The following POLR1A variants were observed in gnomAD, a reference collection of about 807,000 sequenced individuals.
POLR1A encodes RNA polymerase I subunit A.
Under a neutral mutation model 205.3 loss-of-function variants are expected in POLR1A, and 84 were observed. The observed-to-expected ratio is 0.41, with a 90% CI of 0.34 to 0.49. The LOEUF (loss-of-function observed/expected upper bound fraction) is 0.49. POLR1A is among the 20% of genes least tolerant of loss of function. The probability of loss-of-function intolerance (pLI) is 0.22; values close to 1 mark genes in which losing one functional copy is unlikely to be tolerated. For missense variants in POLR1A, 1,645 were observed against 2,204.5 expected, an observed-to-expected ratio of 0.75 and a Z score of 5.08; for synonymous variants, 799 against 863.7, an observed-to-expected ratio of 0.93 and a Z score of 1.31.
chr2:86,032,239 C>G, intron 29 of POLR1A, 33 bp downstream of exon 29: 1 of 1,400,290 alleles, frequency 7.1e-7, no homozygotes, highest in Non-Finnish European at 1.0e-6. Flanking sequence ...GGGCTGGGAC[C>G]ACAGCTCCTT....
chr2:86,102,638 T>C lies in POLR1A; in HGVS notation c.78-2466A>G, dbSNP rs1235291647. Among the ~76,000 whole-genome samples, 6 of 152,338 alleles carry C rather than the reference T, an allele frequency of 3.9e-5. No homozygotes were observed. In the East Asian group the frequency reaches 1.2e-3, roughly 29 times the overall value. On this transcript the variant is annotated intron_variant, in intron 1 of 33. Coordinates refer to ENST00000263857, the MANE Select transcript of POLR1A (RefSeq NM_015425.6). ...TTTTTTCTCACCTGAAGTCTGGGCA[T>C]CACAGCAGCTCTATTGGGATGATTA...
rs570297577 is a variant in POLR1A, at chr2:86,094,603, A to C, written c.432+4008T>G. Among the ~76,000 whole-genome samples the C allele has an allele frequency of 2.6e-5, 4 of 152,360 alleles. No homozygotes were observed. The South Asian group carries it at 6.2e-4, about 24-fold the overall frequency. ...ATCACTCCTCTGAGCCCTTTCAGGG[A>C]CAGGGCCAGGGGAAAATACATGTGT... On this transcript the variant is annotated intron_variant, in intron 3 of 33. Transcript: ENST00000263857.
intron 16 of POLR1A, among the ~76,000 whole-genome samples, chr2:86,050,901 T>C (rs1331830732): frequency 1.3e-5 from 2 of 152,318 alleles, no homozygotes; most frequent in East Asian, 3.9e-4. Flanking sequence ...AGCCCAGAAG[T>C]GGCTCAGGTC....
At chr2:86,100,681 G>A (rs1186620651) in intron 1 of POLR1A, among the ~76,000 whole-genome samples, 2 of 151,892 alleles carry the variant, frequency 1.3e-5, no homozygotes, top group Non-Finnish European at 2.9e-5. Flanking sequence ...CCACAGATGT[G>A]TGTCAATATG....
At chr2:86,055,827 G>A (rs1364545133) in intron 14 of POLR1A, among the ~76,000 whole-genome samples, 1 of 152,206 alleles carries the variant, frequency 6.6e-6, no homozygotes, top group East Asian at 1.9e-4. Context: ...CTACTAACAT[G>A]CTCAATGATA....
At chr2:86,057,825 A>G (rs78039515) in intron 14 of POLR1A, among the ~76,000 whole-genome samples, 6,307 of 152,284 alleles carry the variant, frequency 0.041, 459 homozygotes, top group African/African-American at 0.14. Flanking sequence ...TGTACCTATT[A>G]GGTACATGTC....
chr2:86,042,347 A>G (rs1573806911), intron 23 of POLR1A, among the ~76,000 whole-genome samples: 1 of 152,178 alleles, frequency 6.6e-6, no homozygotes, highest in East Asian at 1.9e-4. Flanking sequence ...CATGTAATTT[A>G]CTGAGCAAAC....
Position 86,078,224 on chromosome 2 carries a change from G to A in POLR1A, c.1147C>T (p.Leu383Phe). Residue 383 changes from leucine to phenylalanine, a missense_variant, in exon 10 of 34, where the codon CTC (leucine) becomes TTC (phenylalanine). Leu to Phe is a conservative substitution (Grantham distance 22, BLOSUM62 0). This residue lies in a region of POLR1A where 78 missense variants were observed against 77.7 expected (regional missense o/e 1.00). Transcript: ENST00000263857. The stretch of plus-strand genomic sequence containing the variant: ...CAAATGTTGTAAAGTTTGTCTATGA[G>A]GGACTGGCCTGGAAGTGTACTCAAA... ...SFLSTLPGQS[L>F]IDKLYNIWIR... 3.1e-6 allele frequency: 5 copies of A among 1,612,354 alleles called. No individual in the cohort carries two copies. The highest frequency in any genetic ancestry group is 4.2e-6 in the Non-Finnish European group (5 of 1,179,638).
chr2:86,032,180 G>A, intron 29 of POLR1A, 92 bp downstream of exon 29: 1 of 860,720 alleles, frequency 1.2e-6, no homozygotes, highest in Non-Finnish European at 2.0e-6. Context: ...ATGACACAGA[G>A]GTGTGGCCTG....
intron 14 of POLR1A, among the ~76,000 whole-genome samples, chr2:86,058,088 TCTCTA>T (rs142733694): frequency 5.3e-5 from 8 of 152,120 alleles, no homozygotes; most frequent in East Asian, 1.9e-4. Context: ...TACTCTACTC[TCTCTA>T]CTCTACTCTA....
rs1173243813 is a variant in POLR1A at position 86,039,447 on chromosome 2, G to A, written c.3756C>T (p.Leu1252=). ...TCTTGATGTTGGCGCTGGCCACCAT[G>A]AGAATCTCCCGCAACCTGTCACAGA... ...TLGIPRLREI[L]MVASANIKTP... is the part of the protein sequence containing the mutation. The change falls in exon 26 of 34, where the codon CTC becomes CTT. Residue 1252 remains leucine (L), a synonymous_variant. Transcript: ENST00000263857. 2 of 1,614,064 alleles carry A rather than the reference G, an allele frequency of 1.2e-6. No homozygotes were observed. Among genetic ancestry groups the A allele is most frequent in the South Asian group, 1.1e-5 (1 of 91,090 alleles).
intron 30 of POLR1A, 100 bp downstream of exon 30, chr2:86,031,230 C>T (rs567003940): frequency 1.4e-6 from 2 of 1,449,374 alleles, no homozygotes; most frequent in African/African-American, 2.8e-5. Flanking sequence ...TTGGCTGCCC[C>T]CTGCCCAGCT....
At chr2:86,052,720 C>A in intron 16 of POLR1A, 97 bp downstream of exon 16, 1 of 1,012,310 alleles carries the variant, frequency 9.9e-7, no homozygotes, top group East Asian at 2.8e-5. Flanking sequence ...CCTTGGAAAT[C>A]TTCAGTGTGG....
rs1166105139 is a variant in POLR1A, at chr2:86,042,848, T to G, written c.3357+126A>C. ...TTCCCATTTGAGAGCCATTCTGTTC[T>G]GACTGACGGTGAACAAAGCTGGAGT... On this transcript the variant is annotated intron_variant, in intron 23 of 33. Coordinates refer to ENST00000263857, the MANE Select transcript of POLR1A (RefSeq NM_015425.6). 5.5e-6 allele frequency: 4 copies of G among 729,438 alleles called. No individual in the cohort carries two copies. The Admixed American group carries it at 6.3e-5, about 12-fold the overall frequency. The allele number at this position is 729,438 out of a possible 1,614,324, so 45.2% of individuals were successfully genotyped here. A position where few individuals can be genotyped will look rare whatever the true frequency, so the allele number is the denominator to read the frequency against.
chr2:86,049,048 A>G lies in POLR1A; in HGVS notation c.2476-6T>C, dbSNP rs561746902. 3 of 1,614,226 alleles carry G rather than the reference A, an allele frequency of 1.9e-6. No homozygotes were observed. The South Asian group carries it at 3.3e-5, about 18-fold the overall frequency. ...TTTAATGCAGCCCTGACAGCCTAGA[A>G]TGAGAACAGAAACACAGCGGAGGCT... On this transcript the variant is annotated splice_region_variant and splice_polypyrimidine_tract_variant and intron_variant, in intron 17 of 33. Transcript: ENST00000263857.
intron 13 of POLR1A, 32 bp from the exon 14 acceptor site, chr2:86,065,497 T>C (rs373072803): frequency 1.9e-6 from 3 of 1,585,550 alleles, no homozygotes; most frequent in Non-Finnish European, 2.6e-6. Context: ...ACAAGAAGAA[T>C]GAAAATAAAT....
chr2:86,077,913 G>A lies in POLR1A; in HGVS notation c.1326C>T (p.Arg442=). 1 of 1,614,032 alleles carries A rather than the reference G, an allele frequency of 6.2e-7. No homozygotes were observed. Among genetic ancestry groups the A allele is most frequent in the Non-Finnish European group, 8.5e-7 (1 of 1,180,038 alleles). The change falls in exon 11 of 34, where the codon CGC becomes CGT. Residue 442 remains arginine (R), a synonymous_variant. Coordinates refer to ENST00000263857, the MANE Select transcript of POLR1A (RefSeq NM_015425.6). The stretch of plus-strand genomic sequence containing the variant: ...TGTACATGTCTGGGCAGATGACTGA[G>A]CGCGCAGCGTAGTCCACTCGCTTTC... The part of the protein sequence containing the change: ...MMGKRVDYAA[R]SVICPDMYIN...
At chr2:86,079,349 A>G (rs1673353621) in intron 9 of POLR1A, among the ~76,000 whole-genome samples, 1 of 152,176 alleles carries the variant, frequency 6.6e-6, no homozygotes, top group Admixed American at 6.5e-5. Context: ...AGTGATTGTG[A>G]AATGAGTGAG....
intron 3 of POLR1A, among the ~76,000 whole-genome samples, chr2:86,095,828 C>T (rs868295198): frequency 6.6e-5 from 10 of 151,338 alleles, no homozygotes; most frequent in African/African-American, 9.7e-5. Context: ...CCTGGGTTCA[C>T]GCCATTCTCC....
Sources: allele counts gnomAD v4.1 joint callset (sites outside exome capture counted in the v4.1 genomes callset), GRCh38; gene constraint gnomAD v4.1.1; regional missense constraint gnomAD v4.1.1; transcripts MANE v1.5; gene names NCBI Gene and HGNC (gene_info 2026-07-23, HGNC 2026-07-21).